The following TRABD variants were observed in gnomAD, a reference collection of about 807,000 sequenced individuals.
The protein encoded by TRABD is TraB domain containing, also known as traB domain-containing protein.
TRABD carries 23 observed loss-of-function variants against 39.6 expected under a neutral mutation model. The observed-to-expected ratio is 0.58, with a 90% CI of 0.42 to 0.82. The LOEUF (loss-of-function observed/expected upper bound fraction) is 0.82, where lower values mean the gene tolerates loss of function less well. TRABD is among the 40% of genes least tolerant of loss of function. TRABD has a pLI of 0.00. For missense variants in TRABD, 487 were observed against 544.9 expected (o/e 0.89, Z 1.06); for synonymous variants, 243 against 232.1 (o/e 1.05, Z -0.43).
At position 50,194,483 on chromosome 22, in the gene TRABD, G is replaced by A. The variant is rs200005681; in HGVS notation, c.256G>A (p.Asp86Asn). The stretch of plus-strand genomic sequence containing the variant: ...GGTGGGGACAGCCCACTTCAGCGAC[G>A]ACAGCAAGAGGGACGTTGTGAAGGT... Reference protein sequence around the residue: ...YVVGTAHFSDDSKRDVVKTIR... With the variant: ...YVVGTAHFSDNSKRDVVKTIR... The change falls in exon 4 of 10, where the codon GAC becomes AAC. Residue 86 changes from aspartate (D) to asparagine (N), a missense_variant. This residue lies in a region of TRABD where 358 missense variants were observed against 414.7 expected (regional missense o/e 0.86). Coordinates refer to ENST00000380909, the MANE Select transcript of TRABD (RefSeq NM_001320485.2). The A allele has an allele frequency of 1.5e-5, 24 of 1,593,242 alleles. No homozygotes were observed. The highest frequency in any genetic ancestry group is 2.3e-5 in the South Asian group (2 of 88,430).
At chr22:50,192,419 C>T (rs977359306) in intron 1 of TRABD, 12 of 152,400 alleles carry the variant, frequency 7.9e-5, no homozygotes, top group African/African-American at 2.9e-4. Context: ...GCAGCCCCCT[C>T]GTGTGGCTGC....
chr22:50,187,456 A>G (rs1366124193), intron 1 of TRABD, among the ~76,000 whole-genome samples: 2 of 151,932 alleles, frequency 1.3e-5, no homozygotes, highest in African/African-American at 4.8e-5. Context: ...CATTTCTGCA[A>G]CCCCCAGGTC....
chr22:50,194,957 T>G lies in TRABD; in HGVS notation c.337T>G (p.Ser113Ala). 1 of 1,612,906 alleles carries G rather than the reference T, an allele frequency of 6.2e-7. No individual in the cohort carries two copies. Among genetic ancestry groups the G allele is most frequent in the South Asian group, 1.1e-5 (1 of 91,084 alleles). The stretch of plus-strand genomic sequence containing the variant: ...CGTGGAGCTCTGCCAATATCGTGTG[T>G]CCATGCTGAAGATGGACGAGAGCAC... ...VVVELCQYRV[S>A]MLKMDESTLL... Residue 113 changes from serine to alanine, a missense_variant, in exon 5 of 10, where the codon TCC becomes GCC. By Grantham distance (99) the Ser-to-Ala change is moderately conservative. Around this residue, in one of 3 missense-constraint regions of TRABD, gnomAD observed 358 missense variants for 414.7 expected, o/e 0.86. Transcript: ENST00000380909.
At chr22:50,197,763 A>AGGCCCCCCCCCCCCCCCCCCCTT in intron 7 of TRABD, 60 bp from the exon 8 acceptor site, 1 of 1,439,784 alleles carries the variant, frequency 6.9e-7, no homozygotes, top group Non-Finnish European at 9.7e-7. Context: ...CCACAGTGCC[A>AGGCCCCCCCCCCCCCCCCCCCTT]GCCCCACCCC....
rs933696901 is a variant in TRABD, at chr22:50,198,917, G to C, written c.*398G>C. 4 of 580,154 alleles carry C rather than the reference G, an allele frequency of 6.9e-6. No individual in the cohort carries two copies. In the East Asian group the frequency reaches 1.2e-4, roughly 17 times the overall value. 35.9% of individuals were successfully genotyped at this position (580,154 alleles called of 1,614,324 possible). A position where few individuals can be genotyped will look rare whatever the true frequency, so the allele number is the denominator to read the frequency against. The stretch of plus-strand genomic sequence containing the variant: ...CCTGTGCTCCGGCCACAGGAGCGTC[G>C]GCCCAGGGGCGGCTCCTGGGGGCTC... On this transcript the variant is annotated 3_prime_UTR_variant, in exon 10 of 10. Transcript: ENST00000380909. The surrounding 1 kb of genome is among the most constrained non-coding windows in gnomAD (Gnocchi z 7.9).
In TRABD at chr22:50,198,298, T is replaced by C. The variant is rs1162635741; in HGVS notation, c.957-47T>C. 2.0e-6 allele frequency: 3 copies of C among 1,502,452 alleles called. No homozygotes were observed. In the African/African-American group the frequency reaches 4.2e-5, roughly 21 times the overall value. 93.1% of individuals were successfully genotyped at this position (1,502,452 alleles called of 1,614,324 possible). A position where few individuals can be genotyped will look rare whatever the true frequency, so the allele number is the denominator to read the frequency against. ...TGACCCAGGCATGGGGGCTGGGGTA[T>C]GGGGAGCCCACCCCCAGCCAGGCCC... On this transcript the variant is annotated intron_variant, in intron 9 of 9. Coordinates refer to ENST00000380909, the MANE Select transcript of TRABD (RefSeq NM_001320485.2). The surrounding 1 kb of genome is among the most constrained non-coding windows in gnomAD (Gnocchi z 7.9).
intron 1 of TRABD, among the ~76,000 whole-genome samples, chr22:50,189,665 G>A (rs1388771357): frequency 1.3e-5 from 2 of 152,248 alleles, no homozygotes; most frequent in Non-Finnish European, 2.9e-5. Flanking sequence ...AAAAGGACAG[G>A]TAGAAAGGGG....
At chr22:50,197,619 T>C in intron 7 of TRABD, 31 bp downstream of exon 7, 1 of 1,608,674 alleles carries the variant, frequency 6.2e-7, no homozygotes, top group Non-Finnish European at 8.5e-7. Context: ...CTGGCCGGCC[T>C]GCAGGGTGGT....
rs776456362 is a variant in TRABD at position 50,197,909 on chromosome 22, G to C, written c.758G>C (p.Arg253Pro). The C allele has an allele frequency of 6.2e-7, 1 of 1,612,758 alleles. No individual in the cohort carries two copies. The highest frequency in any genetic ancestry group is 8.5e-7 in the Non-Finnish European group (1 of 1,179,914). ...ATTGGCGAGTTCCCAGACCTGCACC[G>C]CACCATCGTCTCGGAGCGCGACGTC... The part of the protein sequence containing the change: ...EMIGEFPDLH[R>P]TIVSERDVYL... Residue 253 changes from arginine (R) to proline (P), a missense_variant, in exon 8 of 10, where the codon CGC becomes CCC. Coordinates refer to ENST00000380909, the MANE Select transcript of TRABD (RefSeq NM_001320485.2).
Position 50,198,467 on chromosome 22 carries a change from T to G in TRABD, c.1079T>G (p.Leu360Arg), listed in dbSNP as rs1271617010. 4.4e-6 allele frequency: 7 copies of G among 1,595,314 alleles called. No homozygotes were observed. The highest frequency in any genetic ancestry group is 1.3e-5 in the African/African-American group (1 of 74,718). Residue 360 changes from leucine to arginine, a missense_variant, in exon 10 of 10, where the codon CTG becomes CGG. Physicochemically the swap from Leu to Arg is moderately radical, Grantham distance 102. Coordinates refer to ENST00000380909, the MANE Select transcript of TRABD (RefSeq NM_001320485.2). This position sits in a 1 kb window ranked among gnomAD's most constrained non-coding sequence, Gnocchi z 7.9. ...GRRTASLVLSLPAAQYCLQRV... is the reference protein window; with the variant it reads ...GRRTASLVLSRPAAQYCLQRV... Reference sequence around the variant, plus strand: ...CGCACCGCGAGCCTGGTCCTGTCGCTGCCCGCCGCGCAGTACTGCCTGCAG... The same window carrying G: ...CGCACCGCGAGCCTGGTCCTGTCGCGGCCCGCCGCGCAGTACTGCCTGCAG...
intron 5 of TRABD, among the ~76,000 whole-genome samples, chr22:50,195,974 C>T (rs1180386584): frequency 6.6e-6 from 1 of 152,176 alleles, no homozygotes; most frequent in Non-Finnish European, 1.5e-5. Context: ...AGTCCCCGGT[C>T]CAGCCAGGGC....
chr22:50,187,323 C>A (rs1247408418), intron 1 of TRABD, among the ~76,000 whole-genome samples: 1 of 152,266 alleles, frequency 6.6e-6, no homozygotes, highest in Non-Finnish European at 1.5e-5. Context: ...CTCTGCCACA[C>A]CTGCGTGAAG....
At chr22:50,189,273 C>A (rs183551813) in intron 1 of TRABD, among the ~76,000 whole-genome samples, 1 of 152,216 alleles carries the variant, frequency 6.6e-6, no homozygotes, top group Non-Finnish European at 1.5e-5. Context: ...AGGCAGGTTC[C>A]CGCCTTAAAC....
chr22:50,187,091 G>A (rs2063778667), intron 1 of TRABD, among the ~76,000 whole-genome samples: 1 of 152,246 alleles, frequency 6.6e-6, no homozygotes, highest in South Asian at 2.1e-4. Flanking sequence ...AGTGTGACTG[G>A]TGGGGATGCT....
intron 1 of TRABD, among the ~76,000 whole-genome samples, chr22:50,188,067 G>T (rs1451679390): frequency 2.0e-5 from 3 of 151,848 alleles, no homozygotes; most frequent in Admixed American, 2.0e-4. Flanking sequence ...GGATCACAAG[G>T]TCAGGAGTTC....
intron 7 of TRABD, 59 bp from the exon 8 acceptor site, chr22:50,197,764 G>GGGCCCCCCCCCCCCCCC: frequency 1.6e-6 from 2 of 1,284,770 alleles, no homozygotes; most frequent in Non-Finnish European, 1.1e-6. Context: ...CACAGTGCCA[G>GGGCCCCCCCCCCCCCCC]CCCCACCCCC....
chr22:50,186,471 G>A (rs992767228), intron 1 of TRABD, among the ~76,000 whole-genome samples: 12 of 152,154 alleles, frequency 7.9e-5, no homozygotes, highest in Non-Finnish European at 2.9e-5. Flanking sequence ...CAGGGCTGGG[G>A]CGGGGAGGGT....
intron 1 of TRABD, among the ~76,000 whole-genome samples, chr22:50,189,885 TTGTC>T (rs1286234787): frequency 6.6e-6 from 1 of 152,202 alleles, no homozygotes; most frequent in African/African-American, 2.4e-5. Context: ...TCTTCAGACA[TTGTC>T]TCTGAAGACA....
At position 50,197,499 on chromosome 22, in the gene TRABD, C is replaced by T. The variant is rs147453508; in HGVS notation, c.582C>T (p.Pro194=). The T allele has an allele frequency of 1.9e-5, 31 of 1,613,736 alleles. No individual in the cohort carries two copies. Among genetic ancestry groups the T allele is most frequent in the East Asian group, 8.9e-5 (4 of 44,888 alleles). Residue 194 remains proline, a synonymous_variant, in exon 7 of 10, where the codon CCC becomes CCT. Transcript: ENST00000380909. ...CKFHLGDRPI[P]VTFKRAIAAL... ...TCCACCTGGGTGACCGACCCATCCC[C>T]GTCACCTTCAAGAGGGCCATCGCAG...
Sources: allele counts gnomAD v4.1 joint callset (sites outside exome capture counted in the v4.1 genomes callset), GRCh38; gene constraint gnomAD v4.1.1; regional missense constraint gnomAD v4.1.1; non-coding constraint Gnocchi (gnomAD v3.1); transcripts MANE v1.5; gene names NCBI Gene and HGNC (gene_info 2026-07-23, HGNC 2026-07-21).